Variants in RARB observed in about 807,000 individuals in gnomAD.
RARB encodes retinoic acid receptor beta, also known as HBV-activated protein.
A neutral mutation model predicts 51.9 loss-of-function variants in RARB; 17 were observed. The observed-to-expected ratio is 0.33, with a 90% CI of 0.22 to 0.49. The LOEUF (loss-of-function observed/expected upper bound fraction) is 0.49, where lower values mean the gene tolerates loss of function less well. Among genes scored for constraint, RARB ranks in the 20% least tolerant of loss-of-function variants. The probability of loss-of-function intolerance (pLI) is 0.99; values close to 1 mark genes in which losing one functional copy is unlikely to be tolerated. For missense variants in RARB, 369 were observed against 550.8 expected, an observed-to-expected ratio of 0.67 and a Z score of 3.30; for synonymous variants, 215 against 195.4, an observed-to-expected ratio of 1.10 and a Z score of -0.84.
chr3:25,568,352 C>G (rs536177811), intron 3 of RARB, among the ~76,000 whole-genome samples: 2 of 152,252 alleles, frequency 1.3e-5, no homozygotes, highest in South Asian at 4.1e-4. Flanking sequence ...TTTAAACTTG[C>G]CTACCTGATA....
chr3:25,140,232 G>A (rs2125336675), intron 4 of RARB, among the ~76,000 whole-genome samples: 1 of 152,230 alleles, frequency 6.6e-6, no homozygotes, highest in Admixed American at 6.5e-5. Flanking sequence ...TTTCTCTGAT[G>A]GATTTTGGCA....
chr3:25,259,033 A>G (rs1355464945), intron 5 of RARB: 2 of 985,208 alleles, frequency 2.0e-6, no homozygotes, highest in African/African-American at 1.7e-5. Context: ...TTCTGATATT[A>G]GTAGGCAGGA....
chr3:25,561,823 A>G (rs994671631), intron 3 of RARB, among the ~76,000 whole-genome samples: 11 of 152,204 alleles, frequency 7.2e-5, no homozygotes, highest in African/African-American at 2.4e-4. Context: ...AATATTTGAA[A>G]GCCCATAACT....
At chr3:25,470,318 G>A (rs542228377) in intron 2 of RARB, among the ~76,000 whole-genome samples, 22 of 152,274 alleles carry the variant, frequency 1.4e-4, no homozygotes, top group South Asian at 8.3e-4. Flanking sequence ...TAAGCTCCTC[G>A]ATTACAGGTA....
At chr3:25,368,418 A>G (rs770115416) in intron 5 of RARB, among the ~76,000 whole-genome samples, 10 of 152,186 alleles carry the variant, frequency 6.6e-5, no homozygotes, top group Non-Finnish European at 1.5e-4. Context: ...TCATTCATAT[A>G]TGTCATTAAG....
At chr3:25,341,993 G>A (rs1432984023) in intron 5 of RARB, among the ~76,000 whole-genome samples, 1 of 152,154 alleles carries the variant, frequency 6.6e-6, no homozygotes, top group Non-Finnish European at 1.5e-5. Flanking sequence ...ACACTTCGTA[G>A]AAGAAGAAAT....
chr3:25,103,604 AAGG>A (rs1254753034), intron 3 of RARB, among the ~76,000 whole-genome samples: 1 of 152,238 alleles, frequency 6.6e-6, no homozygotes, highest in East Asian at 1.9e-4. Flanking sequence ...ATCTTTGAGC[AAGG>A]AGGAGGAGAA....
Position 25,512,228 on chromosome 3 carries a change from A to G in RARB, c.448+10905A>G, listed in dbSNP as rs578155386. On this transcript the variant is annotated intron_variant, in intron 3 of 7. Coordinates refer to ENST00000330688, the MANE Select transcript of RARB (RefSeq NM_000965.5). ...CATCCTGGTCTCTAAAGATTGGTGT[A>G]TTCATTCATCAGCGGTCCTTAGTGA... Among the ~76,000 whole-genome samples the G allele has an allele frequency of 1.2e-4, 19 of 152,306 alleles. No homozygotes were observed. In the East Asian group the frequency reaches 3.5e-3, roughly 28 times the overall value.
chr3:24,906,709 G>A (rs752149435), intron 2 of RARB, among the ~76,000 whole-genome samples: 2 of 151,834 alleles, frequency 1.3e-5, no homozygotes, highest in Admixed American at 6.6e-5. Context: ...GCTGGGCATG[G>A]TGGCGGGTGC....
chr3:25,362,093 T>C (rs570081201), intron 5 of RARB, among the ~76,000 whole-genome samples: 2 of 152,258 alleles, frequency 1.3e-5, no homozygotes, highest in African/African-American at 4.8e-5. Flanking sequence ...CGCCCCTTCC[T>C]CTAGGTGCTG....
intron 4 of RARB, among the ~76,000 whole-genome samples, chr3:25,165,664 A>G (rs1700549943): frequency 6.6e-6 from 1 of 152,174 alleles, no homozygotes; most frequent in South Asian, 2.1e-4. Context: ...GCAGACCTTT[A>G]GTCCAATACA....
chr3:25,056,053 C>T (rs1302552312), intron 2 of RARB, among the ~76,000 whole-genome samples: 2 of 152,080 alleles, frequency 1.3e-5, no homozygotes, highest in Non-Finnish European at 2.9e-5. Flanking sequence ...ATTACCCTGC[C>T]GGGAAACATG....
chr3:25,019,301 T>C (rs1359859360), intron 2 of RARB, among the ~76,000 whole-genome samples: 1 of 152,050 alleles, frequency 6.6e-6, no homozygotes, highest in East Asian at 1.9e-4. Context: ...GAAATAAAAA[T>C]AAGACACCAG....
At chr3:25,416,732 C>T (rs926252080) in intron 5 of RARB, among the ~76,000 whole-genome samples, 3 of 152,170 alleles carry the variant, frequency 2.0e-5, no homozygotes, top group African/African-American at 7.2e-5. Flanking sequence ...TGGATTTGGC[C>T]TTTGGAGTCT....
chr3:25,410,196 C>A lies in RARB; in HGVS notation c.179-50997C>A, dbSNP rs1420119172. ...AGTCTGTCACAATAGCTGGCCCTTT[C>A]TTTGATTAGCAAATACATATAACCT... On this transcript the variant is annotated intron_variant, in intron 5 of 11. Transcript: ENST00000383772. 2.6e-5 allele frequency among the ~76,000 whole-genome samples: 4 copies of A among 152,282 alleles called. No individual in the cohort carries two copies. In the East Asian group the frequency reaches 7.7e-4, roughly 29 times the overall value.
chr3:24,839,794 G>A (rs952480634), intron 1 of RARB, among the ~76,000 whole-genome samples: 1 of 151,484 alleles, frequency 6.6e-6, no homozygotes, highest in African/African-American at 2.4e-5. Flanking sequence ...TTATACTCGT[G>A]TTTAGAACTA....
chr3:25,385,527 G>T (rs1002938586), intron 5 of RARB, among the ~76,000 whole-genome samples: 1 of 152,140 alleles, frequency 6.6e-6, no homozygotes, highest in Non-Finnish European at 1.5e-5. Context: ...CCCCAAATGA[G>T]CATCCCTGGA....
chr3:25,363,945 C>T (rs1247489613), intron 5 of RARB, among the ~76,000 whole-genome samples: 1 of 152,156 alleles, frequency 6.6e-6, no homozygotes, highest in African/African-American at 2.4e-5. Context: ...CTCAGATATC[C>T]ATATAGATCT....
chr3:25,565,763 T>C (rs1366171024), intron 3 of RARB, among the ~76,000 whole-genome samples: 1 of 152,138 alleles, frequency 6.6e-6, no homozygotes, highest in Non-Finnish European at 1.5e-5. Flanking sequence ...CGGAAGGGCC[T>C]TACATTCTTC....
Sources: gnomAD v4.1 joint callset for allele counts (sites outside exome capture counted in the v4.1 genomes callset) on GRCh38, gnomAD v4.1.1 for gene constraint, MANE v1.5 for transcripts, NCBI Gene and HGNC (gene_info 2026-07-23, HGNC 2026-07-21) for gene names.